The following MSMO1 variants were observed in gnomAD, a reference collection of about 807,000 sequenced individuals.
MSMO1 encodes the protein C-4 methylsterol oxidase.
MSMO1 carries 18 observed loss-of-function variants against 30.4 expected under a neutral mutation model. That is an observed-to-expected ratio of 0.59 (90% CI 0.41 to 0.88). The LOEUF is 0.88. Ranked by LOEUF, MSMO1 falls within the 40% of genes least tolerant of loss-of-function variation. The pLI, the probability that MSMO1 is intolerant of heterozygous loss-of-function variation, is 0.00. For synonymous variants in MSMO1, 84 were observed against 107.9 expected (o/e 0.78, Z 1.37); for missense variants, 284 against 340.5 (o/e 0.83, Z 1.31).
At chr4:165,335,678 T>G (rs987365548) in intron 2 of MSMO1, among the ~76,000 whole-genome samples, 3 of 152,206 alleles carry the variant, frequency 2.0e-5, no homozygotes, top group Non-Finnish European at 4.4e-5. Flanking sequence ...ACAAAGGACT[T>G]TCTCAGGCAA....
At position 165,337,842 on chromosome 4, in the gene MSMO1, T is replaced by C. The variant is rs11538065; in HGVS notation, c.309T>C (p.Phe103=). ...GGAAGTGTTTCAAAGTTCTTCTCTTTAATCACTTCTGTATCCAGCTGCCTT... is the reference window on the plus strand; with the variant it reads ...GGAAGTGTTTCAAAGTTCTTCTCTTCAATCACTTCTGTATCCAGCTGCCTT... ...NQWKCFKVLL[F]NHFCIQLPLI... The change falls in exon 3 of 6, where the codon TTT becomes TTC. Residue 103 remains phenylalanine (F), a synonymous_variant. Coordinates refer to ENST00000261507, the MANE Select transcript of MSMO1 (RefSeq NM_006745.5). 2 of 1,613,516 alleles carry C rather than the reference T, an allele frequency of 1.2e-6. No individual in the cohort carries two copies. The highest frequency in any genetic ancestry group is 1.7e-6 in the Non-Finnish European group (2 of 1,179,574).
intron 2 of MSMO1, among the ~76,000 whole-genome samples, chr4:165,334,083 CA>C (rs1174322292): frequency 6.6e-6 from 1 of 151,282 alleles, no homozygotes; most frequent in South Asian, 2.1e-4. Context: ...GACCTTGTCT[CA>C]AAAAAAATAA....
Position 165,333,503 on chromosome 4 carries a change from A to G in MSMO1, c.133A>G (p.Thr45Ala). Reference protein sequence around the residue: ...NAWNYMLNNYTKFQIATWGSL... With the variant: ...NAWNYMLNNYAKFQIATWGSL... ...TTGGAACTATATGTTGAATAATTAT[A>G]CAAAGTTCCAGATTGCAACATGGGG... Residue 45 changes from threonine (T) to alanine (A), a missense_variant, in exon 2 of 6, where the codon ACA (threonine) becomes GCA (alanine). Physicochemically the swap from Thr to Ala is moderately conservative, Grantham distance 58 (BLOSUM62 0). Coordinates refer to ENST00000261507, the MANE Select transcript of MSMO1 (RefSeq NM_006745.5). The G allele has an allele frequency of 1.9e-6, 3 of 1,613,672 alleles. No homozygotes were observed. The highest frequency in any genetic ancestry group is 1.3e-5 in the African/African-American group (1 of 75,044).
chr4:165,338,597 T>C, intron 3 of MSMO1, 55 bp from the exon 4 acceptor site: 1 of 1,496,322 alleles, frequency 6.7e-7, no homozygotes, highest in Non-Finnish European at 9.3e-7. Context: ...ACTAAAAGTC[T>C]GGATAGTTTA....
Position 165,338,675 on chromosome 4 carries a change from T to C in MSMO1, c.428T>C (p.Phe143Ser). 3 of 1,610,052 alleles carry C rather than the reference T, an allele frequency of 1.9e-6. No individual in the cohort carries two copies. The highest frequency in any genetic ancestry group is 2.6e-6 in the Non-Finnish European group (3 of 1,176,438). The change falls in exon 4 of 6, where the codon TTT becomes TCT. Residue 143 changes from phenylalanine (F) to serine (S), a missense_variant. By Grantham distance (155) the Phe-to-Ser change is radical. Coordinates refer to ENST00000261507, the MANE Select transcript of MSMO1 (RefSeq NM_006745.5). The part of the protein sequence containing the change: ...PRWYFLLARC[F>S]GCAVIEDTWH... The stretch of plus-strand genomic sequence containing the variant: ...AGGTATTTTCTTTTGGCAAGATGCT[T>C]TGGTTGTGCAGTCATTGAAGATACT...
chr4:165,337,178 C>T (rs925126558), intron 2 of MSMO1, among the ~76,000 whole-genome samples: 8 of 152,158 alleles, frequency 5.3e-5, no homozygotes, highest in African/African-American at 1.9e-4. Context: ...TTTATAATGA[C>T]TTGCTAAGCA....
At chr4:165,334,814 G>A (rs1238664895) in intron 2 of MSMO1, among the ~76,000 whole-genome samples, 1 of 152,170 alleles carries the variant, frequency 6.6e-6, no homozygotes, top group African/African-American at 2.4e-5. Context: ...GTAGAAAGTA[G>A]ACCATTGAGA....
chr4:165,329,435 A>T (rs532188021), intron 1 of MSMO1, among the ~76,000 whole-genome samples: 24 of 151,806 alleles, frequency 1.6e-4, no homozygotes, highest in African/African-American at 5.3e-4. Context: ...TGTTTTATGA[A>T]CTCAGGGGTA....
chr4:165,337,751 CA>C lies in MSMO1; in HGVS notation c.256-37del, dbSNP rs768108500. 4 of 1,604,260 alleles carry C rather than the reference CA, an allele frequency of 2.5e-6. No homozygotes were observed. The South Asian group carries it at 3.3e-5, about 13-fold the overall frequency. On this transcript the variant is annotated intron_variant, in intron 2 of 5. Transcript: ENST00000261507. ...ATTAGGTCAAGTTAAACTCTGATAG[CA>C]GAGACTAATATTAGATATTGTGATT...
At chr4:165,341,609 T>TTG in intron 5 of MSMO1, 142 bp from the exon 6 acceptor site, 1 of 676,948 alleles carries the variant, frequency 1.5e-6, no homozygotes, top group Non-Finnish European at 2.5e-6. Context: ...TGTTTGCTGT[T>TTG]TGTGAACACT....
At chr4:165,337,657 C>G in intron 2 of MSMO1, 132 bp from the exon 3 acceptor site, 2 of 857,882 alleles carry the variant, frequency 2.3e-6, no homozygotes, top group South Asian at 1.6e-5. Flanking sequence ...GGCAAAGATT[C>G]CTGAGTCTTA....
At chr4:165,334,437 C>G (rs1747485462) in intron 2 of MSMO1, among the ~76,000 whole-genome samples, 2 of 152,188 alleles carry the variant, frequency 1.3e-5, no homozygotes, top group Admixed American at 1.3e-4. Context: ...CAGTTCACCC[C>G]AACTCTATGT....
At chr4:165,339,096 C>CTTTTTTTTTTTTTTTTTTTTT (rs869192459) in intron 4 of MSMO1, among the ~76,000 whole-genome samples, 2 of 60,522 alleles carry the variant, frequency 3.3e-5, no homozygotes, top group African/African-American at 6.7e-5. Context: ...ATGAGCACTG[C>CTTTTTTTTTTTTTTTTTTTTT]TTTTTTTTTT....
chr4:165,333,649 G>C lies in MSMO1; in HGVS notation c.255+24G>C, dbSNP rs371996452. On this transcript the variant is annotated intron_variant, in intron 2 of 5. Transcript: ENST00000261507. ...AGGTGAGTATAAGGGACTAGAAATA[G>C]AATATTATCATTAATGTTGCTGAAT... 9.6e-5 allele frequency: 148 copies of C among 1,547,542 alleles called. No homozygotes were observed. The Middle Eastern group carries it at 2.8e-3, about 29-fold the overall frequency.
At chr4:165,336,348 A>G (rs1396758723) in intron 2 of MSMO1, among the ~76,000 whole-genome samples, 1 of 152,310 alleles carries the variant, frequency 6.6e-6, no homozygotes, top group African/African-American at 2.4e-5. Context: ...ATTCCTTTAT[A>G]TTAAGTACAG....
chr4:165,329,928 C>G (rs1204827621), intron 1 of MSMO1, among the ~76,000 whole-genome samples: 1 of 152,074 alleles, frequency 6.6e-6, no homozygotes. Flanking sequence ...GCCACCACAC[C>G]CAGCCTCCTT....
At chr4:165,332,574 A>G (rs1215040872) in intron 1 of MSMO1, among the ~76,000 whole-genome samples, 2 of 152,170 alleles carry the variant, frequency 1.3e-5, no homozygotes, top group African/African-American at 4.8e-5. Context: ...TGATACACTG[A>G]TGTATCCCCC....
At chr4:165,329,620 T>G (rs1747334156) in intron 1 of MSMO1, among the ~76,000 whole-genome samples, 1 of 136,916 alleles carries the variant, frequency 7.3e-6, no homozygotes, top group Non-Finnish European at 1.6e-5. Context: ...TGGAGATCCA[T>G]AGCGATTTTT....
intron 1 of MSMO1, 59 bp from the exon 2 acceptor site, chr4:165,333,281 C>A: frequency 7.2e-7 from 1 of 1,389,962 alleles, no homozygotes; most frequent in Non-Finnish European, 9.9e-7. Context: ...CATTTTTTAA[C>A]TGTTTTATTT....
Sources: allele counts gnomAD v4.1 joint callset (sites outside exome capture counted in the v4.1 genomes callset), GRCh38; gene constraint gnomAD v4.1.1; transcripts MANE v1.5; gene names NCBI Gene and HGNC (gene_info 2026-07-23, HGNC 2026-07-21).